The following CACUL1 variants were observed in gnomAD, a reference collection of about 807,000 sequenced individuals.
CACUL1 encodes the protein CDK2 associated cullin domain 1.
In CACUL1, 13 loss-of-function variants were observed where a neutral mutation model predicts 45.2. That is an observed-to-expected ratio of 0.29 (90% confidence interval 0.19 to 0.46). The LOEUF (loss-of-function observed/expected upper bound fraction) is 0.46. Ranked by LOEUF, CACUL1 falls within the 20% of genes least tolerant of loss-of-function variation. The pLI is 1.00. For synonymous variants in CACUL1, 197 were observed against 174.2 expected (o/e 1.13, Z -1.03); for missense variants, 421 against 471.4 (o/e 0.89, Z 0.99).
At chr10:118,689,839 C>A (rs925656487) in intron 7 of CACUL1, among the ~76,000 whole-genome samples, 1 of 152,176 alleles carries the variant, frequency 6.6e-6, no homozygotes, top group East Asian at 1.9e-4. Flanking sequence ...TATTCCTATA[C>A]TGCTTCACAA....
intron 1 of CACUL1, among the ~76,000 whole-genome samples, chr10:118,733,434 T>C (rs1845715451): frequency 6.6e-6 from 1 of 152,222 alleles, no homozygotes; most frequent in South Asian, 2.1e-4. Flanking sequence ...TAACCTTATA[T>C]GCTAGCTAAC....
At chr10:118,686,539 T>C in intron 8 of CACUL1, 59 bp downstream of exon 8, 1 of 1,289,260 alleles carries the variant, frequency 7.8e-7, no homozygotes, top group South Asian at 1.2e-5. Context: ...TCACAGTGCA[T>C]TAATATGGCT....
At chr10:118,691,141 C>A in intron 7 of CACUL1, 124 bp downstream of exon 7, 1 of 787,226 alleles carries the variant, frequency 1.3e-6, no homozygotes, top group East Asian at 2.5e-5. Context: ...TGTCTTCTTG[C>A]AGCAGCAAGA....
intron 4 of CACUL1, among the ~76,000 whole-genome samples, chr10:118,704,117 G>A (rs1589606199): frequency 6.6e-6 from 1 of 151,658 alleles, no homozygotes; most frequent in Non-Finnish European, 1.5e-5. Context: ...AGGTGGTCGT[G>A]CTTAGGCTCA....
At chr10:118,690,230 A>G (rs992008409) in intron 7 of CACUL1, among the ~76,000 whole-genome samples, 1 of 143,248 alleles carries the variant, frequency 7.0e-6, no homozygotes, top group Non-Finnish European at 1.5e-5. Flanking sequence ...GAACCCGGGA[A>G]GCGGAGCTTG....
intron 1 of CACUL1, among the ~76,000 whole-genome samples, chr10:118,750,078 G>C (rs1845882047): frequency 1.3e-5 from 2 of 152,234 alleles, no homozygotes; most frequent in Non-Finnish European, 2.9e-5. Context: ...TGTAATCCCA[G>C]CACTTTGGGA....
At chr10:118,751,389 A>G (rs1377185697) in intron 1 of CACUL1, among the ~76,000 whole-genome samples, 1 of 152,080 alleles carries the variant, frequency 6.6e-6, no homozygotes, top group Admixed American at 6.5e-5. Context: ...TCTTTAATTC[A>G]TTTGGAGTCT....
chr10:118,733,481 T>G (rs916181934), intron 1 of CACUL1, among the ~76,000 whole-genome samples: 21 of 149,468 alleles, frequency 1.4e-4, no homozygotes, highest in African/African-American at 5.4e-4. Flanking sequence ...CATAACCATC[T>G]GCAGTCAACA....
chr10:118,719,122 C>G (rs887554392), intron 3 of CACUL1, among the ~76,000 whole-genome samples: 2 of 151,976 alleles, frequency 1.3e-5, no homozygotes, highest in African/African-American at 4.8e-5. Context: ...ATAACATGCA[C>G]AAAAAGATGG....
intron 1 of CACUL1, among the ~76,000 whole-genome samples, chr10:118,745,850 T>C (rs1282251694): frequency 6.6e-6 from 1 of 151,466 alleles, no homozygotes; most frequent in East Asian, 2.0e-4. Flanking sequence ...CAAGTAAAAG[T>C]AGTCTTGGCT....
rs751195679 is a variant in CACUL1, at chr10:118,706,074, G to GT, written c.693+1417dup. Among the ~76,000 whole-genome samples the GT allele has an allele frequency of 1.2e-3, 179 of 152,338 alleles. 3 individuals are homozygous for GT. Among genetic ancestry groups the GT allele is most frequent in the Non-Finnish European group, 1.8e-4 (12 of 68,032 alleles). ...AAACCCCAGGATCCTACCATAAGGTGTAAGAAAGCAACAATGGCAATACAG... is the reference window on the plus strand; with the variant it reads ...AAACCCCAGGATCCTACCATAAGGTGTTAAGAAAGCAACAATGGCAATACAG... On this transcript the variant is annotated intron_variant, in intron 4 of 8. Transcript: ENST00000369151.
At chr10:118,706,633 T>C (rs1314828648) in intron 4 of CACUL1, among the ~76,000 whole-genome samples, 2 of 152,238 alleles carry the variant, frequency 1.3e-5, no homozygotes, top group African/African-American at 4.8e-5. Flanking sequence ...AGGCTTTTTA[T>C]ACATTTCTTT....
intron 3 of CACUL1, among the ~76,000 whole-genome samples, chr10:118,708,145 C>G (rs11198572): frequency 2.1e-5 from 1 of 46,656 alleles, no homozygotes; most frequent in Non-Finnish European, 4.1e-5. Context: ...GAAACACTGT[C>G]TCAAAAAAAA....
Position 118,685,986 on chromosome 10 carries a change from G to A in CACUL1, c.*142C>T. The A allele has an allele frequency of 4.3e-6, 2 of 469,650 alleles. No individual in the cohort carries two copies. Among genetic ancestry groups the A allele is most frequent in the Admixed American group, 3.1e-5 (1 of 31,760 alleles). 29.1% of individuals were successfully genotyped at this position (469,650 alleles called of 1,614,324 possible). On this transcript the variant is annotated 3_prime_UTR_variant, in exon 9 of 9. Coordinates refer to ENST00000369151, the MANE Select transcript of CACUL1 (RefSeq NM_153810.5). ...TTTTTGTTTTAAAATTACAAACCAA[G>A]TAAGAAGTCCAACATCCTCTTCCAT...
Position 118,676,973 on chromosome 10 carries a change from G to A in CACUL1, c.*9155C>T, listed in dbSNP as rs931208067. The A allele has an allele frequency of 6.6e-6, 1 of 151,654 alleles. No homozygotes were observed. The highest frequency in any genetic ancestry group is 2.4e-5 in the African/African-American group (1 of 41,264). The allele number at this position is 151,654 out of a possible 1,614,324, so 9.4% of individuals were successfully genotyped here. On this transcript the variant is annotated 3_prime_UTR_variant, in exon 9 of 9. Coordinates refer to ENST00000369151, the MANE Select transcript of CACUL1 (RefSeq NM_153810.5). ...TTAGAAAAAACTTCTCCAATCCCAA[G>A]AAAAAATACTACTTTCTAGTTTTTA... is the stretch of plus-strand genomic sequence containing the variant.
chr10:118,754,520 C>T lies in CACUL1; in HGVS notation c.243G>A (p.Pro81=), dbSNP rs201914276. 7.4e-5 allele frequency: 119 copies of T among 1,613,138 alleles called. No homozygotes were observed. In the African/African-American group the frequency reaches 1.4e-3, roughly 19 times the overall value. Residue 81 remains proline (P), a synonymous_variant, in exon 1 of 9, where the codon CCG becomes CCA. Transcript: ENST00000369151. ...TCATGATCACCCCATTAGCCTCCGG[C>T]GGTGGCTGCGGCCCCATCGGGAGCC... ...KEGLPMGPQP[P]PEANGVIMML...
intron 3 of CACUL1, among the ~76,000 whole-genome samples, chr10:118,716,632 TCA>T (rs1845548584): frequency 6.7e-6 from 1 of 149,146 alleles, no homozygotes; most frequent in South Asian, 2.1e-4. Context: ...AGACAGAGTC[TCA>T]CTCTGTCACC....
intron 1 of CACUL1, among the ~76,000 whole-genome samples, chr10:118,734,943 G>A (rs892901605): frequency 2.0e-5 from 3 of 152,142 alleles, no homozygotes; most frequent in Admixed American, 6.5e-5. Context: ...ATTCATACCA[G>A]GCAAGAATAA....
chr10:118,710,089 GA>G (rs1286026170), intron 3 of CACUL1, among the ~76,000 whole-genome samples: 2 of 131,632 alleles, frequency 1.5e-5, no homozygotes, highest in Non-Finnish European at 3.2e-5. Flanking sequence ...ATTTGTTTGG[GA>G]TTTTTTTTTT....
Sources: allele counts gnomAD v4.1 joint callset (sites outside exome capture counted in the v4.1 genomes callset), GRCh38; gene constraint gnomAD v4.1.1; transcripts MANE v1.5; gene names NCBI Gene and HGNC (gene_info 2026-07-23, HGNC 2026-07-21).